Variants in LARP4 observed in about 807,000 individuals in gnomAD.
LARP4 encodes the protein La ribonucleoprotein 4, also known as la-related protein 4.
A neutral mutation model predicts 92.9 loss-of-function variants in LARP4; 29 were observed. The ratio of observed to expected loss-of-function variants is 0.31; its 90% CI spans 0.23 to 0.43. LARP4 has a LOEUF of 0.43. Ranked by LOEUF, LARP4 falls within the 20% of genes least tolerant of loss-of-function variation. The pLI, the probability that LARP4 is intolerant of heterozygous loss-of-function variation, is 1.00. For synonymous variants in LARP4, 279 were observed against 284.1 expected, an observed-to-expected ratio of 0.98 and a Z score of 0.18; for missense variants, 732 against 860.0, an observed-to-expected ratio of 0.85 and a Z score of 1.86.
At chr12:50,474,541 G>T (rs1957336168) in intron 15 of LARP4, among the ~76,000 whole-genome samples, 1 of 152,074 alleles carries the variant, frequency 6.6e-6, no homozygotes, top group African/African-American at 2.4e-5. Flanking sequence ...TAGAGACGGG[G>T]TTTCACTGTG....
chr12:50,448,468 C>T (rs569903533), intron 8 of LARP4, among the ~76,000 whole-genome samples: 9 of 152,298 alleles, frequency 5.9e-5, no homozygotes, highest in African/African-American at 1.7e-4. Flanking sequence ...AAGCAAATTT[C>T]AACCTTAATT....
chr12:50,402,695 A>G (rs902584855), intron 1 of LARP4: 8 of 441,320 alleles, frequency 1.8e-5, no homozygotes, highest in Non-Finnish European at 3.2e-5. Flanking sequence ...CGAGCCCCAG[A>G]GGTTAAAGTA....
At chr12:50,428,896 A>G (rs1264932106) in intron 2 of LARP4, 39 bp from the exon 3 acceptor site, 5 of 1,492,382 alleles carry the variant, frequency 3.4e-6, no homozygotes, top group Admixed American at 2.3e-5. Context: ...TAGAATTTAA[A>G]TAATTCCCAT....
chr12:50,453,075 T>C (rs1189787969), intron 8 of LARP4, among the ~76,000 whole-genome samples: 4 of 136,150 alleles, frequency 2.9e-5, no homozygotes, highest in Non-Finnish European at 6.4e-5. Flanking sequence ...CATGCCCAGC[T>C]TTTTTTTTTT....
At chr12:50,467,179 T>C (rs961588077) in intron 13 of LARP4, 59 bp downstream of exon 13, 19 of 1,375,072 alleles carry the variant, frequency 1.4e-5, no homozygotes, top group Admixed American at 2.1e-5. Flanking sequence ...TTATTTGCAG[T>C]GTTGTTATTT....
Position 50,479,753 on chromosome 12 carries a change from C to G in LARP4, c.*3889C>G, listed in dbSNP as rs1026618174. 4 of 151,982 alleles carry G rather than the reference C, an allele frequency of 2.6e-5. No homozygotes were observed. Among genetic ancestry groups the G allele is most frequent in the African/African-American group, 9.7e-5 (4 of 41,372 alleles). 9.4% of individuals were successfully genotyped at this position (151,982 alleles called of 1,614,324 possible). On this transcript the variant is annotated 3_prime_UTR_variant, in exon 16 of 16. Coordinates refer to ENST00000398473, the MANE Select transcript of LARP4 (RefSeq NM_052879.5). ...TCCATATCAACTTGATTTTTTTAACCTAATTCAGGTGTCCTTTGCATCTCT... is the reference window on the plus strand; with the variant it reads ...TCCATATCAACTTGATTTTTTTAACGTAATTCAGGTGTCCTTTGCATCTCT...
At chr12:50,451,874 G>A (rs552704941) in intron 8 of LARP4, among the ~76,000 whole-genome samples, 16 of 150,976 alleles carry the variant, frequency 1.1e-4, no homozygotes, top group East Asian at 5.9e-4. Flanking sequence ...CGTGTTGGTG[G>A]GTGCCTCTAA....
intron 8 of LARP4, among the ~76,000 whole-genome samples, chr12:50,444,329 T>C (rs1435975225): frequency 6.6e-6 from 1 of 152,224 alleles, no homozygotes; most frequent in African/African-American, 2.4e-5. Context: ...TTCTTATTTC[T>C]ATTGCTTTTG....
rs774214753 is a variant in LARP4, at chr12:50,466,975, C to T, written c.1400C>T (p.Thr467Ile). Residue 467 changes from threonine (T) to isoleucine (I), a missense_variant, in exon 13 of 16, where the codon ACA becomes ATA. By Grantham distance (89) the Thr-to-Ile change is moderately conservative. This residue lies in a region of LARP4 where 264 missense variants were observed against 269.5 expected (regional missense o/e 0.98). Transcript: ENST00000398473. Reference sequence around the variant, plus strand: ...TCATTTTAGAGACCTCATCCTTCAACAGCTGAATCAAAGGCTCCAACACCA... The same window carrying T: ...TCATTTTAGAGACCTCATCCTTCAATAGCTGAATCAAAGGCTCCAACACCA... ...DDRISRPHPS[T>I]AESKAPTPKF... 12 of 1,610,824 alleles carry T rather than the reference C, an allele frequency of 7.4e-6. No individual in the cohort carries two copies. The Admixed American group carries it at 1.3e-4, about 18-fold the overall frequency.
intron 8 of LARP4, among the ~76,000 whole-genome samples, chr12:50,452,935 G>A (rs1278476978): frequency 1.3e-5 from 2 of 151,474 alleles, no homozygotes; most frequent in East Asian, 3.9e-4. Flanking sequence ...TTAGAGACAG[G>A]GTCTCGCTCT....
At chr12:50,429,179 A>G (rs1949263511) in intron 3 of LARP4, 89 bp downstream of exon 3, 4 of 871,512 alleles carry the variant, frequency 4.6e-6, no homozygotes, top group Non-Finnish European at 7.1e-6. Context: ...TGATAAACCT[A>G]TGGCATTATT....
chr12:50,476,758 G>T lies in LARP4; in HGVS notation c.*894G>T, dbSNP rs1200906436. 6.6e-6 allele frequency: 1 copy of T among 152,350 alleles called. No individual in the cohort carries two copies. The highest frequency in any genetic ancestry group is 2.4e-5 in the African/African-American group (1 of 41,350). The allele number at this position is 152,350 out of a possible 1,614,324, so 9.4% of individuals were successfully genotyped here. ...ATTTGTTACTCTCTGTTCTTTGACT[G>T]CCCACCCACAGAAAAGCAAAATAAC... On this transcript the variant is annotated 3_prime_UTR_variant, in exon 16 of 16. Coordinates refer to ENST00000398473, the MANE Select transcript of LARP4 (RefSeq NM_052879.5).
intron 8 of LARP4, among the ~76,000 whole-genome samples, chr12:50,448,810 C>G (rs891811788): frequency 1.3e-5 from 2 of 152,160 alleles, no homozygotes; most frequent in Non-Finnish European, 2.9e-5. Context: ...CAGGCGTGAG[C>G]CACTGCACCC....
At chr12:50,447,920 T>C (rs1265016232) in intron 8 of LARP4, among the ~76,000 whole-genome samples, 1 of 152,092 alleles carries the variant, frequency 6.6e-6, no homozygotes, top group African/African-American at 2.4e-5. Flanking sequence ...CAGGCTGGAC[T>C]GCAGTGACGC....
At chr12:50,418,457 A>G (rs1310035956) in intron 1 of LARP4, among the ~76,000 whole-genome samples, 1 of 152,228 alleles carries the variant, frequency 6.6e-6, no homozygotes, top group East Asian at 1.9e-4. Flanking sequence ...TCCTTGAAAT[A>G]TTATGAATTA....
chr12:50,455,346 G>C (rs570702145), intron 10 of LARP4, among the ~76,000 whole-genome samples: 1 of 152,264 alleles, frequency 6.6e-6, no homozygotes, highest in South Asian at 2.1e-4. Flanking sequence ...AGGATTACAG[G>C]CGTGATACTA....
At chr12:50,408,588 G>C (rs550404003) in intron 1 of LARP4, among the ~76,000 whole-genome samples, 1 of 152,206 alleles carries the variant, frequency 6.6e-6, no homozygotes, top group African/African-American at 2.4e-5. Flanking sequence ...CAAATAGTTC[G>C]ATAGTATTTC....
chr12:50,422,109 A>T (rs1366192689), intron 1 of LARP4, among the ~76,000 whole-genome samples: 2 of 151,758 alleles, frequency 1.3e-5, no homozygotes, highest in Non-Finnish European at 2.9e-5. Context: ...AGCTGGGACT[A>T]TAGGCATCCA....
chr12:50,462,744 A>G, intron 12 of LARP4, 114 bp downstream of exon 12: 1 of 724,668 alleles, frequency 1.4e-6, no homozygotes, highest in East Asian at 2.7e-5. Context: ...GTCTTCAGCA[A>G]AGGTAAATAG....
Sources: allele counts gnomAD v4.1 joint callset (sites outside exome capture counted in the v4.1 genomes callset), GRCh38; gene constraint gnomAD v4.1.1; regional missense constraint gnomAD v4.1.1; transcripts MANE v1.5; gene names NCBI Gene and HGNC (gene_info 2026-07-23, HGNC 2026-07-21).